The following UPP2 variants were observed in gnomAD, a reference collection of about 807,000 sequenced individuals.
The protein encoded by UPP2 is uridine phosphorylase 2.
Under a neutral mutation model 26.7 loss-of-function variants are expected in UPP2, and 23 were observed. That is an observed-to-expected ratio of 0.86 (90% CI 0.62 to 1.22). The LOEUF (loss-of-function observed/expected upper bound fraction) is 1.22, where lower values mean the gene tolerates loss of function less well. Among genes scored for constraint, UPP2 ranks in the 50% most tolerant of loss-of-function variants. The probability of loss-of-function intolerance (pLI) is 0.00; values close to 1 mark genes in which losing one functional copy is unlikely to be tolerated. For missense variants in UPP2, 387 were observed against 396.7 expected (o/e 0.98, Z 0.21); for synonymous variants, 127 against 141.3 (o/e 0.90, Z 0.72).
intron 3 of UPP2, among the ~76,000 whole-genome samples, chr2:158,064,969 A>G (rs1390411936): frequency 1.3e-5 from 2 of 152,178 alleles, no homozygotes; most frequent in African/African-American, 2.4e-5. Flanking sequence ...TACCAGTACC[A>G]TGCTGTTTTG....
intron 3 of UPP2, among the ~76,000 whole-genome samples, chr2:158,064,828 C>A (rs1198202168): frequency 3.3e-5 from 5 of 152,140 alleles, no homozygotes; most frequent in Non-Finnish European, 7.3e-5. Context: ...TTCCCAACAC[C>A]ATTTATTAAA....
Position 158,123,822 on chromosome 2 carries a change from T to G in UPP2, c.738T>G (p.Phe246Leu), listed in dbSNP as rs1683630331. The G allele has an allele frequency of 3.7e-6, 6 of 1,614,108 alleles. No homozygotes were observed. The highest frequency in any genetic ancestry group is 5.1e-6 in the Non-Finnish European group (6 of 1,179,944). Residue 246 changes from phenylalanine (F) to leucine (L), a missense_variant, in exon 6 of 7, where the codon TTT becomes TTG. Physicochemically the swap from Phe to Leu is conservative, Grantham distance 22. Coordinates refer to ENST00000005756, the MANE Select transcript of UPP2 (RefSeq NM_173355.4). ...EKKLDYLKRA[F>L]KAGVRNIEME... Reference sequence around the variant, plus strand: ...AGTTAGACTACTTGAAGAGAGCATTTAAAGCTGGTGTCAGGAATATTGAAA... The same window carrying G: ...AGTTAGACTACTTGAAGAGAGCATTGAAAGCTGGTGTCAGGAATATTGAAA...
chr2:158,009,668 A>C (rs555202657), intron 2 of UPP2, among the ~76,000 whole-genome samples: 7 of 152,266 alleles, frequency 4.6e-5, no homozygotes, highest in Admixed American at 4.6e-4. Flanking sequence ...CCCAGTTTTG[A>C]GTTAGCGCAA....
chr2:158,058,426 T>TGTGTGC (rs1274336633), intron 3 of UPP2, among the ~76,000 whole-genome samples: 20 of 147,478 alleles, frequency 1.4e-4, no homozygotes, highest in Non-Finnish European at 2.7e-4. Flanking sequence ...AACCTGTGTG[T>TGTGTGC]GTGTGTGTGT....
At chr2:158,075,926 A>C (rs1682623373) in intron 3 of UPP2, among the ~76,000 whole-genome samples, 1 of 151,776 alleles carries the variant, frequency 6.6e-6, no homozygotes, top group Admixed American at 6.6e-5. Flanking sequence ...TAAATTGAGA[A>C]ACCTTTAGCA....
chr2:158,018,335 A>G (rs1683693547), intron 3 of UPP2, among the ~76,000 whole-genome samples: 1 of 152,226 alleles, frequency 6.6e-6, no homozygotes, highest in African/African-American at 2.4e-5. Flanking sequence ...CTCTGTTCCA[A>G]TATTTATAGA....
intron 3 of UPP2, among the ~76,000 whole-genome samples, chr2:158,081,103 A>G (rs557421952): frequency 6.6e-6 from 1 of 152,326 alleles, no homozygotes; most frequent in East Asian, 1.9e-4. Context: ...CCAGGAAAAT[A>G]AAGAATGGAT....
intron 6 of UPP2, 53 bp downstream of exon 6, chr2:158,123,948 T>C: frequency 6.3e-7 from 1 of 1,586,918 alleles, no homozygotes; most frequent in Non-Finnish European, 8.6e-7. Context: ...ATGAAGCTAC[T>C]TTTACACCTT....
intron 5 of UPP2, 78 bp downstream of exon 5, chr2:158,121,696 T>C: frequency 1.6e-6 from 2 of 1,264,094 alleles, no homozygotes; most frequent in Admixed American, 2.1e-5. Flanking sequence ...TAATTTATAT[T>C]AACAACTCTA....
At chr2:158,007,636 T>C (rs1274444173) in intron 2 of UPP2, among the ~76,000 whole-genome samples, 1 of 152,026 alleles carries the variant, frequency 6.6e-6, no homozygotes, top group East Asian at 1.9e-4. Context: ...TCTCTTTTTT[T>C]TTTTTTTTTA....
intron 2 of UPP2, among the ~76,000 whole-genome samples, chr2:158,008,696 C>T (rs567835641): frequency 6.6e-6 from 1 of 152,320 alleles, no homozygotes; most frequent in African/African-American, 2.4e-5. Flanking sequence ...CTTTTCATTA[C>T]ATATTCATTA....
intron 2 of UPP2, among the ~76,000 whole-genome samples, chr2:158,004,281 G>T (rs948087636): frequency 6.6e-5 from 10 of 151,898 alleles, no homozygotes; most frequent in Non-Finnish European, 1.3e-4. Context: ...ATCTGCCTTA[G>T]TATGTCATCT....
intron 3 of UPP2, among the ~76,000 whole-genome samples, chr2:158,050,659 C>G (rs527722763): frequency 1.3e-5 from 2 of 152,130 alleles, no homozygotes; most frequent in Admixed American, 6.5e-5. Flanking sequence ...TAAGATGGAT[C>G]TGGCATTTAC....
At chr2:158,101,556 A>G (rs888700174), upstream of UPP2, among the ~76,000 whole-genome samples, 6 of 152,192 alleles carry the variant, frequency 3.9e-5, no homozygotes, top group African/African-American at 1.4e-4. Flanking sequence ...GGGAACTGAA[A>G]TGTTTGAGAA....
chr2:158,094,181 G>A (rs1257096892), intron 3 of UPP2, among the ~76,000 whole-genome samples: 1 of 151,690 alleles, frequency 6.6e-6, no homozygotes, highest in African/African-American at 2.4e-5. Context: ...TTACCTTCAG[G>A]AAGAAAGTGA....
intron 3 of UPP2, among the ~76,000 whole-genome samples, chr2:158,096,830 C>A (rs1682993570): frequency 6.6e-6 from 1 of 151,774 alleles, no homozygotes; most frequent in Admixed American, 6.6e-5. Flanking sequence ...GCAGAAGAAC[C>A]AAAACTATTT....
intron 3 of UPP2, among the ~76,000 whole-genome samples, chr2:158,083,789 G>T (rs1682766896): frequency 6.8e-6 from 1 of 146,828 alleles, no homozygotes; most frequent in Admixed American, 6.8e-5. Flanking sequence ...AGTATTCCAT[G>T]GTGTATATAT....
At chr2:158,111,253 T>C (rs1445342745) in intron 2 of UPP2, among the ~76,000 whole-genome samples, 1 of 152,184 alleles carries the variant, frequency 6.6e-6, no homozygotes, top group Non-Finnish European at 1.5e-5. Context: ...TCTGACAGTT[T>C]TTGCTTTATT....
At chr2:158,044,927 A>G (rs759511292) in intron 3 of UPP2, among the ~76,000 whole-genome samples, 12 of 152,204 alleles carry the variant, frequency 7.9e-5, no homozygotes, top group African/African-American at 1.2e-4. Flanking sequence ...CTTTATAAAT[A>G]TATTTTCCAT....
Sources: allele counts gnomAD v4.1 joint callset (sites outside exome capture counted in the v4.1 genomes callset), GRCh38; gene constraint gnomAD v4.1.1; transcripts MANE v1.5; gene names NCBI Gene and HGNC (gene_info 2026-07-23, HGNC 2026-07-21).